The following SLC20A1 variants were observed in gnomAD, a reference collection of about 807,000 sequenced individuals.
SLC20A1 encodes solute carrier family 20 member 1.
In SLC20A1, 28 loss-of-function variants were observed where a neutral mutation model predicts 62.7. The observed-to-expected ratio is 0.45, with a 90% CI of 0.33 to 0.61. The LOEUF is 0.61. Ranked by LOEUF, SLC20A1 falls within the 20% of genes least tolerant of loss-of-function variation. The pLI is 0.02. For missense variants in SLC20A1, 673 were observed against 838.6 expected, an observed-to-expected ratio of 0.80 and a Z score of 2.44; for synonymous variants, 305 against 302.9, an observed-to-expected ratio of 1.01 and a Z score of -0.07.
intron 10 of SLC20A1, 138 bp from the exon 11 acceptor site, chr2:112,662,726 C>A: frequency 1.3e-6 from 1 of 741,244 alleles, no homozygotes; most frequent in Non-Finnish European, 2.2e-6. Flanking sequence ...CCCAGCTTAA[C>A]CTGTTGTAAA....
At chr2:112,648,358 A>G (rs1686342143) in intron 4 of SLC20A1, among the ~76,000 whole-genome samples, 1 of 152,232 alleles carries the variant, frequency 6.6e-6, no homozygotes, top group Non-Finnish European at 1.5e-5. Context: ...TCTTTTATCA[A>G]GAAGTCTTGC....
rs760978793 is a variant in SLC20A1 at position 112,658,818 on chromosome 2, T to A, written c.779-7T>A. On this transcript the variant is annotated splice_polypyrimidine_tract_variant and splice_region_variant and intron_variant, in intron 6 of 10. Coordinates refer to ENST00000272542, the MANE Select transcript of SLC20A1 (RefSeq NM_005415.5). ...AAACCAAAAAAGACCCCCCTTTTTT[T>A]TCCTAGGAGAAATAAAGTGTAGTCC... The A allele has an allele frequency of 6.3e-7, 1 of 1,584,004 alleles. No individual in the cohort carries two copies. Among genetic ancestry groups the A allele is most frequent in the Non-Finnish European group, 8.6e-7 (1 of 1,166,312 alleles).
In SLC20A1 at chr2:112,648,105, C is replaced by A. The variant is rs553198919; in HGVS notation, c.561+367C>A. The stretch of plus-strand genomic sequence containing the variant: ...GTAAACTTGGAGTTCAAGACAGTGT[C>A]CCCTGTGGCTTTTTTAACTAAGCTG... On this transcript the variant is annotated intron_variant, in intron 4 of 10. Transcript: ENST00000272542. Among the ~76,000 whole-genome samples the A allele has an allele frequency of 5.3e-4, 81 of 152,150 alleles. No homozygotes were observed. The Middle Eastern group carries it at 0.02, about 38-fold the overall frequency.
At chr2:112,661,745 C>T (rs1280017679) in intron 10 of SLC20A1, among the ~76,000 whole-genome samples, 1 of 152,150 alleles carries the variant, frequency 6.6e-6, no homozygotes, top group East Asian at 1.9e-4. Context: ...CACAGGATTT[C>T]ACCATGTTGG....
intron 6 of SLC20A1, among the ~76,000 whole-genome samples, 167 bp downstream of exon 6, chr2:112,657,408 C>G (rs895750195): frequency 1.3e-5 from 2 of 152,134 alleles, no homozygotes; most frequent in East Asian, 3.9e-4. Context: ...AATGGACTTA[C>G]ATGACCTAAG....
rs1280256330 is a variant in SLC20A1 at position 112,647,238 on chromosome 2, A to G, written c.334+76A>G. The stretch of plus-strand genomic sequence containing the variant: ...ATCATGGGTGGTTCCATTTTTGTGC[A>G]TAACCTTTCCGATTAACCTTTCTGA... On this transcript the variant is annotated intron_variant, in intron 2 of 10. Coordinates refer to ENST00000272542, the MANE Select transcript of SLC20A1 (RefSeq NM_005415.5). 3.8e-6 allele frequency: 6 copies of G among 1,584,630 alleles called. No homozygotes were observed. The Admixed American group carries it at 5.2e-5, about 14-fold the overall frequency.
intron 4 of SLC20A1, among the ~76,000 whole-genome samples, chr2:112,650,408 C>T (rs990014535): frequency 6.7e-6 from 1 of 149,786 alleles, no homozygotes; most frequent in Admixed American, 6.7e-5. Flanking sequence ...TCTGGGCTTA[C>T]TGCAACCTCC....
At chr2:112,651,182 C>G (rs1198712626) in intron 4 of SLC20A1, among the ~76,000 whole-genome samples, 3 of 152,056 alleles carry the variant, frequency 2.0e-5, no homozygotes, top group Non-Finnish European at 4.4e-5. Flanking sequence ...GAAATGGTAC[C>G]TTTACTTTAC....
chr2:112,658,947 G>A lies in SLC20A1; in HGVS notation c.901G>A (p.Val301Ile). Residue 301 changes from valine to isoleucine, a missense_variant, in exon 7 of 11, where the codon GTA becomes ATA. Transcript: ENST00000272542. ...DIENKHPVSE[V>I]GPATVPLQAV... The stretch of plus-strand genomic sequence containing the variant: ...TGAAAACAAGCATCCTGTTTCTGAG[G>A]TAGGGCCTGCCACTGTGCCCCTCCA... The A allele has an allele frequency of 6.2e-7, 1 of 1,614,200 alleles. No individual in the cohort carries two copies. Among genetic ancestry groups the A allele is most frequent in the Non-Finnish European group, 8.5e-7 (1 of 1,180,032 alleles).
intron 4 of SLC20A1, among the ~76,000 whole-genome samples, chr2:112,651,622 G>A (rs1254498371): frequency 1.3e-5 from 2 of 152,000 alleles, no homozygotes; most frequent in African/African-American, 4.8e-5. Flanking sequence ...TACCCAGGAT[G>A]GTCTCGATCT....
Position 112,663,283 on chromosome 2 carries a change from A to T in SLC20A1, c.*258A>T, listed in dbSNP as rs781268542. On this transcript the variant is annotated 3_prime_UTR_variant, in exon 11 of 11. Coordinates refer to ENST00000272542, the MANE Select transcript of SLC20A1 (RefSeq NM_005415.5). ...CCTTCTGGGCTGTGAATTCCTGTAC[A>T]TATTTCTCTACTTTTTGTATCAGGC... 13 of 508,054 alleles carry T rather than the reference A, an allele frequency of 2.6e-5. No individual in the cohort carries two copies. The highest frequency in any genetic ancestry group is 4.6e-5 in the Non-Finnish European group (12 of 263,588). 31.5% of individuals were successfully genotyped at this position (508,054 alleles called of 1,614,324 possible).
intron 5 of SLC20A1, chr2:112,653,028 G>GTCT (rs1333481635): frequency 7.0e-5 from 70 of 1,001,050 alleles, no homozygotes; most frequent in Admixed American, 6.6e-5. Flanking sequence ...TTCCTCTTTA[G>GTCT]TCTTCACAGG....
intron 4 of SLC20A1, among the ~76,000 whole-genome samples, chr2:112,649,564 C>CT (rs951022691): frequency 6.5e-4 from 98 of 151,280 alleles, no homozygotes; most frequent in South Asian, 1.5e-3. Context: ...TTAACATGAC[C>CT]TTTTTTTTTA....
chr2:112,654,885 G>A (rs1686539621), intron 5 of SLC20A1, among the ~76,000 whole-genome samples: 1 of 114,530 alleles, frequency 8.7e-6, no homozygotes, highest in Non-Finnish European at 1.7e-5. Flanking sequence ...GACAGAGTGC[G>A]ATGCTGTCTC....
chr2:112,659,167 T>G (rs756874128), intron 7 of SLC20A1, 37 bp from the exon 8 acceptor site: 1 of 1,605,836 alleles, frequency 6.2e-7, no homozygotes, highest in South Asian at 1.1e-5. Flanking sequence ...GATTTGATGC[T>G]TTTTGTATTG....
chr2:112,661,884 T>G (rs1686758878), intron 10 of SLC20A1, among the ~76,000 whole-genome samples: 1 of 152,134 alleles, frequency 6.6e-6, no homozygotes, highest in Non-Finnish European at 1.5e-5. Context: ...GGGAAGCCAT[T>G]CAGAGCAGGG....
chr2:112,661,899 T>G (rs1042331208), intron 10 of SLC20A1, among the ~76,000 whole-genome samples: 1 of 152,072 alleles, frequency 6.6e-6, no homozygotes. Flanking sequence ...GCAGGGTAGG[T>G]GTATGCTTAG....
intron 10 of SLC20A1, among the ~76,000 whole-genome samples, chr2:112,661,933 G>A (rs1390399527): frequency 1.3e-5 from 2 of 152,148 alleles, no homozygotes; most frequent in Non-Finnish European, 2.9e-5. Flanking sequence ...CTTTAATTCT[G>A]GCCAGGTGGG....
intron 1 of SLC20A1, 132 bp downstream of exon 1, chr2:112,646,261 G>A (rs978749057): frequency 6.6e-6 from 1 of 152,126 alleles, no homozygotes; most frequent in South Asian, 2.1e-4. Flanking sequence ...CCTCCACTCC[G>A]CCCGTCTGCC....
Sources: allele counts gnomAD v4.1 joint callset (sites outside exome capture counted in the v4.1 genomes callset), GRCh38; gene constraint gnomAD v4.1.1; transcripts MANE v1.5; gene names NCBI Gene and HGNC (gene_info 2026-07-23, HGNC 2026-07-21).